The following COL7A1 variants were observed in gnomAD, a reference collection of about 807,000 sequenced individuals.
COL7A1 encodes the protein collagen alpha-1(VII) chain.
Under a neutral mutation model 456.2 loss-of-function variants are expected in COL7A1, and 296 were observed. The ratio of observed to expected loss-of-function variants is 0.65; its 90% CI spans 0.59 to 0.71. COL7A1 has a LOEUF of 0.71. COL7A1 is among the 30% of genes least tolerant of loss of function. The pLI, the probability that COL7A1 is intolerant of heterozygous loss-of-function variation, is 0.00. For synonymous variants in COL7A1, 1,464 were observed against 1,525.9 expected, an observed-to-expected ratio of 0.96 and a Z score of 0.95; for missense variants, 3,441 against 4,017.2, an observed-to-expected ratio of 0.86 and a Z score of 3.88.
At position 48,588,019 on chromosome 3, in the gene COL7A1, C is replaced by T; in HGVS notation, c.2711-80G>A. ...GGCATTAAAGGGCCTGCCCACTTCA[C>T]TGGCTCTGTTAACTGGGTTCACCCT... On this transcript the variant is annotated intron_variant, in intron 21 of 118. Transcript: ENST00000681320. The surrounding 1 kb of genome is among the most constrained non-coding windows in gnomAD (Gnocchi z 4.6). The T allele has an allele frequency of 6.7e-7, 1 of 1,490,404 alleles. No individual in the cohort carries two copies. The highest frequency in any genetic ancestry group is 9.1e-7 in the Non-Finnish European group (1 of 1,101,072). The allele number at this position is 1,490,404 out of a possible 1,614,324, so 92.3% of individuals were successfully genotyped here.
Position 48,584,077 on chromosome 3 carries a change from C to A in COL7A1, c.4198-16G>T. 1 of 1,614,178 alleles carries A rather than the reference C, an allele frequency of 6.2e-7. No homozygotes were observed. The highest frequency in any genetic ancestry group is 1.1e-5 in the South Asian group (1 of 91,082). On this transcript the variant is annotated splice_polypyrimidine_tract_variant and intron_variant, in intron 37 of 118. Coordinates refer to ENST00000681320, the MANE Select transcript of COL7A1 (RefSeq NM_000094.4). ...CTTTGTCACCCTAGAAAACAGATGA[C>A]GACCCCATGACCCTGGGCCACACCT...
rs1157014589 is a variant in COL7A1, at chr3:48,570,901, G to T, written c.7232C>A (p.Pro2411His). ...GCCTGGCTGACCCATCTCTCCTCGA[G>T]GGCCTGTCTGACCCGGGAACCCAAC... is the stretch of plus-strand genomic sequence containing the variant. ...GVVGFPGQTG[P>H]RGEMGQPGPS... Residue 2411 changes from proline (P) to histidine (H), a missense_variant, in exon 95 of 119, where the codon CCT becomes CAT. By Grantham distance (77) the Pro-to-His change is moderately conservative. Coordinates refer to ENST00000681320, the MANE Select transcript of COL7A1 (RefSeq NM_000094.4). This position sits in a 1 kb window ranked among gnomAD's most constrained non-coding sequence, Gnocchi z 5.5. 6.2e-7 allele frequency: 1 copy of T among 1,613,454 alleles called. No homozygotes were observed. The highest frequency in any genetic ancestry group is 1.7e-5 in the Admixed American group (1 of 59,938).
rs747604158 is a variant in COL7A1, at chr3:48,573,000, C to A, written c.6750+21G>T. 5.0e-6 allele frequency: 8 copies of A among 1,613,940 alleles called. No individual in the cohort carries two copies. The highest frequency in any genetic ancestry group is 6.8e-6 in the Non-Finnish European group (8 of 1,180,026). On this transcript the variant is annotated intron_variant, in intron 86 of 118. Transcript: ENST00000681320. The surrounding 1 kb of genome is among the most constrained non-coding windows in gnomAD (Gnocchi z 4.6). ...TCGACCCTTGACCCCTGGAGCCCAACCCTTGACCCCCAGAACTCACCACTT... is the reference window on the plus strand; with the variant it reads ...TCGACCCTTGACCCCTGGAGCCCAAACCTTGACCCCCAGAACTCACCACTT...
chr3:48,565,382 G>T lies in COL7A1; in HGVS notation c.8527+28C>A, dbSNP rs1367527602. Reference sequence around the variant, plus strand: ...TGTGCGTGTCTCGGCCCCACCCATAGCTGCCCCACGGGTTCAGCTGTCCTC... The same window carrying T: ...TGTGCGTGTCTCGGCCCCACCCATATCTGCCCCACGGGTTCAGCTGTCCTC... On this transcript the variant is annotated intron_variant, in intron 116 of 118. Coordinates refer to ENST00000681320, the MANE Select transcript of COL7A1 (RefSeq NM_000094.4). The surrounding 1 kb of genome is among the most constrained non-coding windows in gnomAD (Gnocchi z 4.5). 1.3e-6 allele frequency: 2 copies of T among 1,586,860 alleles called. No individual in the cohort carries two copies. Among genetic ancestry groups the T allele is most frequent in the Admixed American group, 3.6e-5 (2 of 55,026 alleles).
In COL7A1 at chr3:48,571,827, G is replaced by A. The variant is rs2043940503; in HGVS notation, c.7068+174C>T. 2 of 777,360 alleles carry A rather than the reference G, an allele frequency of 2.6e-6. No individual in the cohort carries two copies. Among genetic ancestry groups the A allele is most frequent in the Middle Eastern group, 3.6e-4 (1 of 2,742 alleles). The allele number at this position is 777,360 out of a possible 1,614,324, so 48.2% of individuals were successfully genotyped here. The stretch of plus-strand genomic sequence containing the variant: ...CAAGACAGGGCCCCCAGAGCTCAGA[G>A]TGTGGAAGCCGACAGTGTGTGGCTC... On this transcript the variant is annotated intron_variant, in intron 92 of 118. Coordinates refer to ENST00000681320, the MANE Select transcript of COL7A1 (RefSeq NM_000094.4). The surrounding 1 kb of genome is among the most constrained non-coding windows in gnomAD (Gnocchi z 4.6).
Position 48,569,916 on chromosome 3 carries a change from C to T in COL7A1, c.7486-1G>A. On this transcript the variant is annotated splice_acceptor_variant, in intron 99 of 118. Transcript: ENST00000681320. LOFTEE classifies it high-confidence loss of function. This position sits in a 1 kb window ranked among gnomAD's most constrained non-coding sequence, Gnocchi z 4.9. ...GCTCTCCCCTGCTGCCAGGGGGCCC[C>T]TGTGTGAGAGAAGGTGACCGTGAGC... The T allele has an allele frequency of 6.2e-7, 1 of 1,613,888 alleles. No individual in the cohort carries two copies. Among genetic ancestry groups the T allele is most frequent in the Non-Finnish European group, 8.5e-7 (1 of 1,179,954 alleles).
In COL7A1 at chr3:48,587,311, A is replaced by C. The variant is rs766469119; in HGVS notation, c.3018T>G (p.Leu1006=). ...CCCGCTGGGAGCTTGAGATCCCTGG[A>C]AGTGTCTGCGGGGACCCAGGCACTT... ...GQEVPGSPQT[L]PGISSSQRVT... is the part of the protein sequence containing the mutation. Residue 1006 remains leucine (L), a synonymous_variant, in exon 24 of 119, where the codon CTT becomes CTG. Coordinates refer to ENST00000681320, the MANE Select transcript of COL7A1 (RefSeq NM_000094.4). This position sits in a 1 kb window ranked among gnomAD's most constrained non-coding sequence, Gnocchi z 6.1. 1.9e-6 allele frequency: 3 copies of C among 1,602,734 alleles called. No homozygotes were observed.
Position 48,568,911 on chromosome 3 carries a change from A to G in COL7A1, c.7687-56T>C, listed in dbSNP as rs986387179. On this transcript the variant is annotated intron_variant, in intron 103 of 118. Coordinates refer to ENST00000681320, the MANE Select transcript of COL7A1 (RefSeq NM_000094.4). This position sits in a 1 kb window ranked among gnomAD's most constrained non-coding sequence, Gnocchi z 5.2. ...CAGGACCAGATCAGGCTGGGGGCTTAGAATACAACGAGCCCGCCAGCTGGG... is the reference window on the plus strand; with the variant it reads ...CAGGACCAGATCAGGCTGGGGGCTTGGAATACAACGAGCCCGCCAGCTGGG... The G allele has an allele frequency of 2.0e-6, 3 of 1,514,852 alleles. No homozygotes were observed. The African/African-American group carries it at 4.1e-5, about 21-fold the overall frequency. 93.8% of individuals were successfully genotyped at this position (1,514,852 alleles called of 1,614,324 possible).
Position 48,582,503 on chromosome 3 carries a change from C to T in COL7A1, c.4574G>A (p.Gly1525Glu). Residue 1525 changes from glycine to glutamate, a missense_variant, in exon 46 of 119, where the codon GGA becomes GAA. Transcript: ENST00000681320. ...CTTCTCTCCTTGGCGGCCAGTGGGT[C>T]CTGGTGGCCCCTGAATGTAGAGAAA... ...PGAKGPEGPPGPTGRQGEKGE... is the reference protein window; with the variant it reads ...PGAKGPEGPPEPTGRQGEKGE... The T allele has an allele frequency of 6.2e-7, 1 of 1,614,034 alleles. No homozygotes were observed. The highest frequency in any genetic ancestry group is 8.5e-7 in the Non-Finnish European group (1 of 1,180,024).
chr3:48,584,048 T>A lies in COL7A1; in HGVS notation c.4211A>T (p.Asp1404Val). The A allele has an allele frequency of 1.9e-6, 3 of 1,614,034 alleles. No individual in the cohort carries two copies. Among genetic ancestry groups the A allele is most frequent in the Non-Finnish European group, 2.5e-6 (3 of 1,179,996 alleles). Residue 1404 changes from aspartate to valine, a missense_variant, in exon 38 of 119, where the codon GAT becomes GTT. Physicochemically the swap from Asp to Val is radical, Grantham distance 152. Around this residue, in one of 3 missense-constraint regions of COL7A1, gnomAD observed 2,084 missense variants for 2,501.3 expected, o/e 0.83. Transcript: ENST00000681320. ...PGTAMKGDKGDRGERGPPGPG... is the reference protein window; with the variant it reads ...PGTAMKGDKGVRGERGPPGPG... ...TCCCTCACTTACCCGCTCCCCACGA[T>A]CGCCTTTGTCACCCTAGAAAACAGA... is the stretch of plus-strand genomic sequence containing the variant.
Position 48,574,027 on chromosome 3 carries a change from G to A in COL7A1, c.6502-137C>T. 3.3e-6 allele frequency: 4 copies of A among 1,200,762 alleles called. No individual in the cohort carries two copies. Among genetic ancestry groups the A allele is most frequent in the Non-Finnish European group, 4.8e-6 (4 of 834,486 alleles). The allele number at this position is 1,200,762 out of a possible 1,614,324, so 74.4% of individuals were successfully genotyped here. ...CACAGATAATACCTACCCATGGACT[G>A]CCTCTCATAGATAGCACACACGGGC... On this transcript the variant is annotated intron_variant, in intron 80 of 118. Transcript: ENST00000681320. This position sits in a 1 kb window ranked among gnomAD's most constrained non-coding sequence, Gnocchi z 5.0.
Position 48,578,198 on chromosome 3 carries a change from G to T in COL7A1, c.5532+123C>A. On this transcript the variant is annotated intron_variant, in intron 65 of 118. Transcript: ENST00000681320. This position sits in a 1 kb window ranked among gnomAD's most constrained non-coding sequence, Gnocchi z 4.7. Reference sequence around the variant, plus strand: ...AAAAACTATGTTTCTGGATGCATCTGTATGTCTGGGCCAGGATGCATGTGT... The same window carrying T: ...AAAAACTATGTTTCTGGATGCATCTTTATGTCTGGGCCAGGATGCATGTGT... The T allele has an allele frequency of 1.8e-6, 2 of 1,109,768 alleles. No homozygotes were observed. Among genetic ancestry groups the T allele is most frequent in the Non-Finnish European group, 1.3e-6 (1 of 744,068 alleles). The allele number at this position is 1,109,768 out of a possible 1,614,324, so 68.7% of individuals were successfully genotyped here. A position where few individuals can be genotyped will look rare whatever the true frequency, so the allele number is the denominator to read the frequency against.
At position 48,571,275 on chromosome 3, in the gene COL7A1, G is replaced by C. The variant is rs1160847237; in HGVS notation, c.7072C>G (p.Gln2358Glu). 1.2e-6 allele frequency: 2 copies of C among 1,614,038 alleles called. No homozygotes were observed. Among genetic ancestry groups the C allele is most frequent in the Non-Finnish European group, 1.7e-6 (2 of 1,180,052 alleles). ...GEPGDPGEDG[Q>E]KGAPGPKGFK... Reference sequence around the variant, plus strand: ...CCTTTGGGTCCTGGAGCCCCTTTCTGACCCTAAGAAAACCCAGCAAACAGC... The same window carrying C: ...CCTTTGGGTCCTGGAGCCCCTTTCTCACCCTAAGAAAACCCAGCAAACAGC... The change falls in exon 93 of 119, where the codon CAG becomes GAG. Residue 2358 changes from glutamine (Q) to glutamate (E), a missense_variant. This residue lies in a region of COL7A1 where 2,084 missense variants were observed against 2,501.3 expected (regional missense o/e 0.83). Transcript: ENST00000681320. This position sits in a 1 kb window ranked among gnomAD's most constrained non-coding sequence, Gnocchi z 4.6.
In COL7A1 at chr3:48,580,842, C is replaced by A; in HGVS notation, c.4980+40G>T. 2 of 1,613,444 alleles carry A rather than the reference C, an allele frequency of 1.2e-6. No homozygotes were observed. Among genetic ancestry groups the A allele is most frequent in the Non-Finnish European group, 1.7e-6 (2 of 1,179,448 alleles). On this transcript the variant is annotated intron_variant, in intron 54 of 118. Transcript: ENST00000681320. The surrounding 1 kb of genome is among the most constrained non-coding windows in gnomAD (Gnocchi z 4.5). ...GCCTTTCCTATCACCTTCATGCCCA[C>A]CTCCCATCACCCCTGTTACTTCTCT...
At position 48,566,212 on chromosome 3, in the gene COL7A1, C is replaced by T. The variant is rs1323609147; in HGVS notation, c.8407+55G>A. 1 of 1,562,770 alleles carries T rather than the reference C, an allele frequency of 6.4e-7. No individual in the cohort carries two copies. The highest frequency in any genetic ancestry group is 1.9e-5 in the Admixed American group (1 of 51,844). ...CCTGTAAGTTCTAGGGGCCTGCCTG[C>T]CCTTGCCTAGGGTGCTGGGGTGGAG... On this transcript the variant is annotated intron_variant, in intron 114 of 118. Coordinates refer to ENST00000681320, the MANE Select transcript of COL7A1 (RefSeq NM_000094.4). This position sits in a 1 kb window ranked among gnomAD's most constrained non-coding sequence, Gnocchi z 5.9.
Position 48,573,124 on chromosome 3 carries a change from CA to C in COL7A1, c.6714+49del. ...GGACGACATGAGAGAACATGGGCCC[CA>C]AGGAGTGAAAACACGGTGTCCCTAC... On this transcript the variant is annotated intron_variant, in intron 85 of 118. Coordinates refer to ENST00000681320, the MANE Select transcript of COL7A1 (RefSeq NM_000094.4). This position sits in a 1 kb window ranked among gnomAD's most constrained non-coding sequence, Gnocchi z 5.5. The C allele has an allele frequency of 1.2e-6, 2 of 1,614,032 alleles. No homozygotes were observed. The highest frequency in any genetic ancestry group is 1.7e-6 in the Non-Finnish European group (2 of 1,179,936).
chr3:48,577,656 CAT>C (rs2044407640), intron 65 of COL7A1, among the ~76,000 whole-genome samples: 1 of 152,234 alleles, frequency 6.6e-6, no homozygotes, highest in Admixed American at 6.5e-5. Flanking sequence ...TGTCTTAGCA[CAT>C]GAGTCTGGGT....
chr3:48,580,535 G>A lies in COL7A1; in HGVS notation c.5052+46C>T. The stretch of plus-strand genomic sequence containing the variant: ...AGGATCAGGTATTGGGAATTGGCTG[G>A]TTGGAGGGTTAAGGTTGGGGTGAGG... On this transcript the variant is annotated intron_variant, in intron 55 of 118. Coordinates refer to ENST00000681320, the MANE Select transcript of COL7A1 (RefSeq NM_000094.4). This position sits in a 1 kb window ranked among gnomAD's most constrained non-coding sequence, Gnocchi z 4.5. 6.3e-7 allele frequency: 1 copy of A among 1,597,856 alleles called. No homozygotes were observed. Among genetic ancestry groups the A allele is most frequent in the Non-Finnish European group, 8.6e-7 (1 of 1,166,626 alleles).
At position 48,575,817 on chromosome 3, in the gene COL7A1, A is replaced by G. The variant is rs1277244287; in HGVS notation, c.5856+50T>C. On this transcript the variant is annotated intron_variant, in intron 72 of 118. Coordinates refer to ENST00000681320, the MANE Select transcript of COL7A1 (RefSeq NM_000094.4). The surrounding 1 kb of genome is among the most constrained non-coding windows in gnomAD (Gnocchi z 6.3). ...AGCCCCTATGCCTGTGGGCACCACT[A>G]GCCCCAAGGGCCCCCACTTGTCCCT... is the stretch of plus-strand genomic sequence containing the variant. 1.9e-6 allele frequency: 3 copies of G among 1,613,890 alleles called. No individual in the cohort carries two copies. Among genetic ancestry groups the G allele is most frequent in the South Asian group, 1.1e-5 (1 of 91,080 alleles).
Sources: allele counts gnomAD v4.1 joint callset (sites outside exome capture counted in the v4.1 genomes callset), GRCh38; gene constraint gnomAD v4.1.1; regional missense constraint gnomAD v4.1.1; non-coding constraint Gnocchi (gnomAD v3.1); transcripts MANE v1.5; gene names NCBI Gene and HGNC (gene_info 2026-07-23, HGNC 2026-07-21).